The following AGBL1 variants were observed in gnomAD, a reference collection of about 807,000 sequenced individuals.
The protein encoded by AGBL1 is cytosolic carboxypeptidase 4.
In AGBL1, 130 loss-of-function variants were observed where a neutral mutation model predicts 118.9. That is an observed-to-expected ratio of 1.09 (90% CI 0.95 to 1.26). The LOEUF (loss-of-function observed/expected upper bound fraction) is 1.26. Among genes scored for constraint, AGBL1 ranks in the 50% most tolerant of loss-of-function variants. AGBL1 has a pLI of 0.00. For synonymous variants in AGBL1, 555 were observed against 478.9 expected (o/e 1.16, Z -2.08); for missense variants, 1,584 against 1,298.1 (o/e 1.22, Z -3.38).
rs548796549 is a variant in AGBL1, at chr15:86,256,293, C to T, written c.736-560C>T. 2.0e-5 allele frequency among the ~76,000 whole-genome samples: 3 copies of T among 152,344 alleles called. No homozygotes were observed. The Middle Eastern group carries it at 0.01, about 518-fold the overall frequency. On this transcript the variant is annotated intron_variant, in intron 7 of 22. Coordinates refer to ENST00000614907, the MANE Select transcript of AGBL1 (RefSeq NM_001386094.1). ...GGGAAGGTACCAAGAGGGATCAACACTGTGGGCTTTGAGAAGAGGCATGTA... is the reference window on the plus strand; with the variant it reads ...GGGAAGGTACCAAGAGGGATCAACATTGTGGGCTTTGAGAAGAGGCATGTA...
intron 22 of AGBL1, among the ~76,000 whole-genome samples, chr15:86,756,269 C>T (rs1486457259): frequency 3.3e-5 from 5 of 151,694 alleles, no homozygotes; most frequent in Non-Finnish European, 5.9e-5. Flanking sequence ...AAAGACTACA[C>T]AGCCATTTTC....
intron 22 of AGBL1, among the ~76,000 whole-genome samples, chr15:86,903,388 T>C (rs1467654549): frequency 6.6e-6 from 1 of 152,204 alleles, no homozygotes; most frequent in Non-Finnish European, 1.5e-5. Flanking sequence ...TCTGGGATGT[T>C]CTATTTCTTT....
intron 18 of AGBL1, among the ~76,000 whole-genome samples, chr15:86,405,080 C>T (rs1567239731): frequency 1.3e-5 from 2 of 152,146 alleles, no homozygotes; most frequent in Non-Finnish European, 2.9e-5. Flanking sequence ...GACAAGTGGC[C>T]TCTTGAGAAT....
intron 18 of AGBL1, among the ~76,000 whole-genome samples, chr15:86,446,772 T>A (rs1424985070): frequency 6.6e-6 from 1 of 152,206 alleles, no homozygotes; most frequent in East Asian, 1.9e-4. Context: ...TCATATGCTT[T>A]TATTTTAGAT....
chr15:86,949,160 GA>G (rs1395609273), intron 23 of AGBL1, among the ~76,000 whole-genome samples: 2 of 151,906 alleles, frequency 1.3e-5, no homozygotes, highest in African/African-American at 4.8e-5. Flanking sequence ...TTTCTTAAAT[GA>G]AAAAAATAAA....
intron 18 of AGBL1, among the ~76,000 whole-genome samples, chr15:86,465,815 C>A (rs1229482485): frequency 3.3e-5 from 5 of 152,158 alleles, no homozygotes; most frequent in African/African-American, 1.2e-4. Context: ...GGACATGGAC[C>A]TTCATCAGTA....
At chr15:86,486,990 A>G (rs559633021) in intron 18 of AGBL1, among the ~76,000 whole-genome samples, 1 of 151,738 alleles carries the variant, frequency 6.6e-6, no homozygotes, top group South Asian at 2.1e-4. Flanking sequence ...TCCTCTTTTC[A>G]TTTCAGCCCA....
chr15:87,001,513 A>T (rs949029602), intron 24 of AGBL1, among the ~76,000 whole-genome samples: 7 of 151,976 alleles, frequency 4.6e-5, no homozygotes, highest in African/African-American at 1.7e-4. Flanking sequence ...GATGGCTGGG[A>T]CAAATGGTAT....
At chr15:87,029,082 G>C (rs1171938522), downstream of AGBL1, 1 of 441,750 alleles carries the variant, frequency 2.3e-6, no homozygotes. Flanking sequence ...CCTAGAACAG[G>C]ACAGAACTAA....
intron 18 of AGBL1, among the ~76,000 whole-genome samples, chr15:86,411,079 G>A (rs1459682071): frequency 1.3e-5 from 2 of 150,062 alleles, no homozygotes; most frequent in Admixed American, 1.4e-4. Context: ...TTCAGCTAAT[G>A]CCTTTTTTCC....
chr15:86,221,824 G>C (rs975172558), intron 5 of AGBL1, among the ~76,000 whole-genome samples: 1 of 151,944 alleles, frequency 6.6e-6, no homozygotes, highest in African/African-American at 2.4e-5. Context: ...ATGCATTGAA[G>C]TGAAAATTTC....
At chr15:86,369,408 A>T (rs2080937733) in intron 17 of AGBL1, among the ~76,000 whole-genome samples, 2 of 152,248 alleles carry the variant, frequency 1.3e-5, no homozygotes, top group South Asian at 4.1e-4. Flanking sequence ...AAACCACTAA[A>T]GTCAAGACAT....
chr15:86,389,664 G>C (rs977452851), intron 17 of AGBL1, among the ~76,000 whole-genome samples: 1 of 152,066 alleles, frequency 6.6e-6, no homozygotes, highest in African/African-American at 2.4e-5. Flanking sequence ...ATGTCTTATG[G>C]ATTTTAGGAT....
At chr15:86,630,643 C>G (rs1469405792) in intron 21 of AGBL1, 1 of 152,262 alleles carries the variant, frequency 6.6e-6, no homozygotes, top group South Asian at 2.1e-4. Flanking sequence ...CTCACCTGAG[C>G]CAGAGGTGCA....
At chr15:86,851,668 T>C (rs1307197330) in intron 22 of AGBL1, among the ~76,000 whole-genome samples, 1 of 152,104 alleles carries the variant, frequency 6.6e-6, no homozygotes, top group African/African-American at 2.4e-5. Context: ...ACTAGCTTGA[T>C]AAATAAAGAA....
intron 22 of AGBL1, among the ~76,000 whole-genome samples, chr15:86,688,959 T>C (rs2086112139): frequency 6.6e-6 from 1 of 152,166 alleles, no homozygotes; most frequent in Non-Finnish European, 1.5e-5. Context: ...AATGGAATCA[T>C]ATGGTATGTA....
At chr15:86,688,720 G>A (rs1390611104) in intron 22 of AGBL1, among the ~76,000 whole-genome samples, 1 of 152,070 alleles carries the variant, frequency 6.6e-6, no homozygotes, top group African/African-American at 2.4e-5. Flanking sequence ...GGGCACAATT[G>A]ATACATAATA....
chr15:86,082,921 T>G (rs558475184), intron 1 of AGBL1, among the ~76,000 whole-genome samples: 1 of 152,360 alleles, frequency 6.6e-6, no homozygotes, highest in East Asian at 1.9e-4. Flanking sequence ...TGGCACTTAC[T>G]CGGCTGTTTA....
intron 18 of AGBL1, among the ~76,000 whole-genome samples, chr15:86,457,830 A>C (rs2082279677): frequency 6.6e-6 from 1 of 152,184 alleles, no homozygotes; most frequent in Non-Finnish European, 1.5e-5. Flanking sequence ...CCAGACACAC[A>C]TACTCCAGCC....
Sources: gnomAD v4.1 joint callset for allele counts (sites outside exome capture counted in the v4.1 genomes callset) on GRCh38, gnomAD v4.1.1 for gene constraint, MANE v1.5 for transcripts, NCBI Gene and HGNC (gene_info 2026-07-23, HGNC 2026-07-21) for gene names.